Variants in ST7 observed in about 807,000 individuals in gnomAD.
ST7 encodes suppression of tumorigenicity 7.
In ST7, 28 loss-of-function variants were observed where a neutral mutation model predicts 78.7. That is an observed-to-expected ratio of 0.36 (90% CI 0.26 to 0.49). The LOEUF is 0.49. Ranked by LOEUF, ST7 falls within the 20% of genes least tolerant of loss-of-function variation. The pLI is 0.99. For missense variants in ST7, 418 were observed against 696.0 expected, an observed-to-expected ratio of 0.60 and a Z score of 4.49; for synonymous variants, 247 against 249.6, an observed-to-expected ratio of 0.99 and a Z score of 0.10.
intron 1 of ST7, chr7:116,954,758 A>G (rs968683208): frequency 9.0e-6 from 2 of 221,258 alleles, no homozygotes; most frequent in Admixed American, 5.3e-5. Context: ...ATATATACAT[A>G]TGTACACATA....
intron 1 of ST7, among the ~76,000 whole-genome samples, chr7:116,981,062 A>G (rs1168680184): frequency 6.6e-6 from 1 of 151,868 alleles, no homozygotes; most frequent in African/African-American, 2.4e-5. Context: ...TGATGAATAC[A>G]TGCCAGTTAT....
chr7:116,966,705 T>A (rs1015561901), intron 1 of ST7, among the ~76,000 whole-genome samples: 4 of 152,202 alleles, frequency 2.6e-5, no homozygotes, highest in African/African-American at 9.7e-5. Flanking sequence ...TCAAATCAAT[T>A]TACTTACTGG....
intron 10 of ST7, among the ~76,000 whole-genome samples, chr7:117,178,607 G>A (rs921747446): frequency 3.9e-5 from 6 of 152,300 alleles, no homozygotes; most frequent in Admixed American, 6.5e-5. Flanking sequence ...AAAAATTTTA[G>A]ATTCATAGAT....
chr7:117,121,364 A>C (rs1803349635), intron 3 of ST7, among the ~76,000 whole-genome samples: 1 of 152,188 alleles, frequency 6.6e-6, no homozygotes, highest in African/African-American at 2.4e-5. Flanking sequence ...CATCTTTTAT[A>C]TGTGTACCCT....
chr7:117,224,232 C>T (rs1367740204), intron 15 of ST7, among the ~76,000 whole-genome samples: 3 of 152,218 alleles, frequency 2.0e-5, no homozygotes, highest in Non-Finnish European at 4.4e-5. Context: ...AAGCAGCCCT[C>T]CTTCCTCTTG....
chr7:117,182,172 G>C (rs930342253), intron 10 of ST7, among the ~76,000 whole-genome samples: 2 of 152,114 alleles, frequency 1.3e-5, no homozygotes, highest in Non-Finnish European at 2.9e-5. Context: ...TGTGATATTG[G>C]CATATTTCTT....
intron 9 of ST7, among the ~76,000 whole-genome samples, chr7:117,166,719 C>T (rs1807582691): frequency 6.6e-6 from 1 of 152,014 alleles, no homozygotes; most frequent in Non-Finnish European, 1.5e-5. Flanking sequence ...GAAACCCCAT[C>T]TCTACTAAAG....
chr7:117,210,127 G>A (rs1049521282), intron 13 of ST7, among the ~76,000 whole-genome samples, 190 bp downstream of exon 13: 2 of 152,196 alleles, frequency 1.3e-5, no homozygotes, highest in African/African-American at 4.8e-5. Flanking sequence ...CTGTGGTGAG[G>A]CTGTTTCCAC....
chr7:116,992,838 G>C (rs1794488556), intron 1 of ST7, among the ~76,000 whole-genome samples: 1 of 152,182 alleles, frequency 6.6e-6, no homozygotes, highest in African/African-American at 2.4e-5. Flanking sequence ...ATGCTTTGCT[G>C]CTTAGAAGTT....
intron 1 of ST7, among the ~76,000 whole-genome samples, chr7:117,038,600 A>G (rs1417227725): frequency 6.6e-6 from 1 of 152,228 alleles, no homozygotes; most frequent in African/African-American, 2.4e-5. Flanking sequence ...GGTAAATGAG[A>G]CAGCATATGT....
At chr7:117,229,385 AG>A (rs1240371700) in intron 15 of ST7, among the ~76,000 whole-genome samples, 2 of 152,244 alleles carry the variant, frequency 1.3e-5, no homozygotes, top group African/African-American at 4.8e-5. Flanking sequence ...AGCTGGTCTA[AG>A]TTGTCACCAT....
At chr7:117,112,119 T>TATATATATATATATATAA (rs1563090258) in intron 2 of ST7, among the ~76,000 whole-genome samples, 224 of 152,154 alleles carry the variant, frequency 1.5e-3, no homozygotes, top group African/African-American at 4.7e-3. Context: ...TATATATATA[T>TATATATATATATATATAA]ATAACAGAGG....
At chr7:116,988,173 T>C (rs1585097523) in intron 1 of ST7, among the ~76,000 whole-genome samples, 1 of 152,212 alleles carries the variant, frequency 6.6e-6, no homozygotes, top group African/African-American at 2.4e-5. Context: ...GAAACATTTA[T>C]ATAATTCTAT....
At chr7:117,119,789 T>C in intron 3 of ST7, 69 bp downstream of exon 3, 1 of 1,514,296 alleles carries the variant, frequency 6.6e-7, no homozygotes, top group South Asian at 1.2e-5. Context: ...TTACTCATAC[T>C]AAGAGATTAA....
chr7:116,988,140 A>G (rs1794267025), intron 1 of ST7, among the ~76,000 whole-genome samples: 1 of 152,168 alleles, frequency 6.6e-6, no homozygotes, highest in African/African-American at 2.4e-5. Flanking sequence ...CCCTATTATG[A>G]CTTGTAAAAA....
At chr7:116,989,839 C>CA (rs955157624) in intron 1 of ST7, among the ~76,000 whole-genome samples, 2 of 151,412 alleles carry the variant, frequency 1.3e-5, no homozygotes, top group East Asian at 3.9e-4. Context: ...ACCCTCTCTC[C>CA]AAAAAAAAAT....
intron 15 of ST7, among the ~76,000 whole-genome samples, chr7:117,227,942 A>G (rs1195111389): frequency 6.6e-6 from 1 of 152,178 alleles, no homozygotes; most frequent in African/African-American, 2.4e-5. Flanking sequence ...TTAACTGCAG[A>G]TCCAACCTGA....
intron 9 of ST7, among the ~76,000 whole-genome samples, chr7:117,141,632 G>C (rs1294020658): frequency 6.6e-6 from 1 of 152,120 alleles, no homozygotes; most frequent in Non-Finnish European, 1.5e-5. Flanking sequence ...AGAGCTAAGA[G>C]AGCATGCTGG....
chr7:117,040,527 A>G (rs960718952), intron 1 of ST7, among the ~76,000 whole-genome samples: 39 of 152,240 alleles, frequency 2.6e-4, no homozygotes, highest in African/African-American at 8.9e-4. Flanking sequence ...GGGTAGGTAT[A>G]TATTTGCTCT....
Sources: allele counts gnomAD v4.1 joint callset (sites outside exome capture counted in the v4.1 genomes callset), GRCh38; gene constraint gnomAD v4.1.1; transcripts MANE v1.5; gene names NCBI Gene and HGNC (gene_info 2026-07-23, HGNC 2026-07-21).